The following ZFHX4 variants were observed in gnomAD, a reference collection of about 807,000 sequenced individuals.
ZFHX4 encodes the protein zinc finger homeobox 4, also known as zinc finger homeobox protein 4.
In ZFHX4, 56 loss-of-function variants were observed where a neutral mutation model predicts 267.6. The observed-to-expected ratio is 0.21, with a 90% confidence interval of 0.17 to 0.26. ZFHX4 has a LOEUF of 0.26. ZFHX4 is among the 10% of genes least tolerant of loss of function. ZFHX4 has a pLI of 1.00. For synonymous variants in ZFHX4, 1,778 were observed against 1,665.6 expected (o/e 1.07, Z -1.64); for missense variants, 4,332 against 4,420.0 (o/e 0.98, Z 0.56).
intron 4 of ZFHX4, among the ~76,000 whole-genome samples, chr8:76,784,028 T>G (rs921938784): frequency 3.3e-5 from 5 of 152,074 alleles, no homozygotes; most frequent in African/African-American, 1.2e-4. Context: ...AAATAATTAG[T>G]CTTTTATGCA....
chr8:76,710,504 A>G (rs1220225518), intron 3 of ZFHX4, among the ~76,000 whole-genome samples: 2 of 152,188 alleles, frequency 1.3e-5, no homozygotes, highest in South Asian at 2.1e-4. Context: ...GAAAAAAATG[A>G]TGGTGAAAAT....
At chr8:76,856,587 A>G (rs184273192) in intron 10 of ZFHX4, among the ~76,000 whole-genome samples, 17 of 152,304 alleles carry the variant, frequency 1.1e-4, no homozygotes, top group Non-Finnish European at 2.9e-5. Flanking sequence ...TTATTTTTAT[A>G]CTAATTTCAA....
At chr8:76,761,403 G>T (rs781348533) in intron 3 of ZFHX4, among the ~76,000 whole-genome samples, 1 of 152,132 alleles carries the variant, frequency 6.6e-6, no homozygotes, top group Non-Finnish European at 1.5e-5. Context: ...GCTACATGTG[G>T]GTGCAAGCTT....
intron 3 of ZFHX4, among the ~76,000 whole-genome samples, chr8:76,752,487 C>CAGAAAAAAAA (rs1809642341): frequency 1.4e-5 from 1 of 70,964 alleles, no homozygotes; most frequent in African/African-American, 4.4e-5. Flanking sequence ...ACCAAAAATC[C>CAGAAAAAAAA]AAAAAAAAAA....
chr8:76,705,565 G>A lies in ZFHX4; in HGVS notation c.1477G>A (p.Asp493Asn), dbSNP rs762062219. 3 of 1,613,580 alleles carry A rather than the reference G, an allele frequency of 1.9e-6. No individual in the cohort carries two copies. The highest frequency in any genetic ancestry group is 4.5e-5 in the East Asian group (2 of 44,876). ...CGAGGAAGTATTAGGTGAACTCACC[G>A]ATAGTATTGGTAACAAAGATTTCCC... ...DDEEVLGELTDSIGNKDFPLL... is the reference protein window; with the variant it reads ...DDEEVLGELTNSIGNKDFPLL... Residue 493 changes from aspartate (D) to asparagine (N), a missense_variant, in exon 2 of 11, where the codon GAT becomes AAT. By Grantham distance (23) the Asp-to-Asn change is conservative. Transcript: ENST00000651372.
intron 4 of ZFHX4, 78 bp downstream of exon 4, chr8:76,778,517 A>G: frequency 2.6e-6 from 3 of 1,168,130 alleles, no homozygotes; most frequent in Non-Finnish European, 1.3e-6. Flanking sequence ...ACAAACACAC[A>G]CACACACGCC....
At chr8:76,800,955 A>G (rs1811102812) in intron 4 of ZFHX4, among the ~76,000 whole-genome samples, 2 of 152,214 alleles carry the variant, frequency 1.3e-5, no homozygotes, top group Non-Finnish European at 1.5e-5. Flanking sequence ...TGAGCAGGCT[A>G]TGAGATTAAA....
intron 1 of ZFHX4, 67 bp from the exon 2 acceptor site, chr8:76,703,976 A>T: frequency 9.2e-7 from 1 of 1,089,210 alleles, no homozygotes; most frequent in Non-Finnish European, 1.3e-6. Context: ...TAAATTAGTG[A>T]TGGGCTATTA....
chr8:76,832,532 T>A (rs116406345), intron 4 of ZFHX4, among the ~76,000 whole-genome samples: 212 of 152,198 alleles, frequency 1.4e-3, no homozygotes, highest in African/African-American at 4.8e-3. Context: ...TATAGACTAT[T>A]ACAGAGGCTG....
In ZFHX4 at chr8:76,864,737, A is replaced by G; in HGVS notation, c.*172A>G. On this transcript the variant is annotated 3_prime_UTR_variant, in exon 11 of 11. Transcript: ENST00000651372. ...TGCTGGCAATATAGGATGGTATGTA[A>G]TGGACAGAACTGATGCAGATGGTTG... The G allele has an allele frequency of 2.0e-6, 1 of 511,434 alleles. No individual in the cohort carries two copies. Among genetic ancestry groups the G allele is most frequent in the Non-Finnish European group, 3.4e-6 (1 of 291,690 alleles). 31.7% of individuals were successfully genotyped at this position (511,434 alleles called of 1,614,324 possible).
At position 76,852,083 on chromosome 8, in the gene ZFHX4, A is replaced by G. The variant is rs781769173; in HGVS notation, c.5162A>G (p.His1721Arg). The change falls in exon 10 of 11, where the codon CAT becomes CGT. Residue 1721 changes from histidine to arginine, a missense_variant. Physicochemically the swap from His to Arg is conservative, Grantham distance 29. Around this residue, in one of 7 missense-constraint regions of ZFHX4, gnomAD observed 1,371 missense variants for 1,423.1 expected, o/e 0.96. Transcript: ENST00000651372. The stretch of plus-strand genomic sequence containing the variant: ...TTTCTAAACCCAGCCTTTTTGCCTC[A>G]TTTTCCTATGACCCCAGAAGCACTG... Reference protein sequence around the residue: ...PQFLNPAFLPHFPMTPEALLQ... With the variant: ...PQFLNPAFLPRFPMTPEALLQ... 6 of 1,613,818 alleles carry G rather than the reference A, an allele frequency of 3.7e-6. No individual in the cohort carries two copies. The highest frequency in any genetic ancestry group is 5.1e-6 in the Non-Finnish European group (6 of 1,179,844).
chr8:76,844,391 T>C (rs904594618), intron 6 of ZFHX4, among the ~76,000 whole-genome samples: 1 of 152,136 alleles, frequency 6.6e-6, no homozygotes. Flanking sequence ...AATCCCGAGG[T>C]ATATGACATT....
intron 3 of ZFHX4, among the ~76,000 whole-genome samples, chr8:76,767,171 T>C (rs1585923615): frequency 1.3e-5 from 2 of 152,026 alleles, no homozygotes; most frequent in African/African-American, 4.8e-5. Context: ...TATTACTAAA[T>C]AAGTGGCAGA....
chr8:76,705,654 C>T lies in ZFHX4; in HGVS notation c.1566C>T (p.Thr522=). 1 of 1,613,924 alleles carries T rather than the reference C, an allele frequency of 6.2e-7. No individual in the cohort carries two copies. The highest frequency in any genetic ancestry group is 8.5e-7 in the Non-Finnish European group (1 of 1,179,870). ...TGCTAAAATTTATTGAAAAGGGTAC[C>T]TCGTCCTCCTCGGCGACTGTTTCTG... The part of the protein sequence containing the change: ...SSVLKFIEKG[T]SSSSATVSDD... The change falls in exon 2 of 11, where the codon ACC becomes ACT. Residue 522 remains threonine (T), a synonymous_variant. Coordinates refer to ENST00000651372, the MANE Select transcript of ZFHX4 (RefSeq NM_024721.5).
intron 4 of ZFHX4, among the ~76,000 whole-genome samples, chr8:76,781,907 G>A (rs1247744653): frequency 1.3e-5 from 2 of 151,984 alleles, no homozygotes; most frequent in African/African-American, 2.4e-5. Flanking sequence ...CAATAAGAAT[G>A]TTAGCCTTCA....
intron 10 of ZFHX4, among the ~76,000 whole-genome samples, chr8:76,858,475 G>A (rs1438864048): frequency 6.6e-6 from 1 of 152,136 alleles, no homozygotes; most frequent in African/African-American, 2.4e-5. Flanking sequence ...CATGAACATT[G>A]CTACCTACTG....
rs918437483 is a variant in ZFHX4, at chr8:76,865,496, T to C, written c.*931T>C. 3 of 152,552 alleles carry C rather than the reference T, an allele frequency of 2.0e-5. No homozygotes were observed. The highest frequency in any genetic ancestry group is 4.8e-5 in the African/African-American group (2 of 41,426). 9.4% of individuals were successfully genotyped at this position (152,552 alleles called of 1,614,324 possible). On this transcript the variant is annotated 3_prime_UTR_variant, in exon 11 of 11. Coordinates refer to ENST00000651372, the MANE Select transcript of ZFHX4 (RefSeq NM_024721.5). ...GTAGACCATGTGAAATTTAATAAGA[T>C]ACCTTTTTTTTCCTTTCTTTGTGTG...
chr8:76,838,288 A>G (rs1168915356), intron 5 of ZFHX4, among the ~76,000 whole-genome samples: 1 of 152,206 alleles, frequency 6.6e-6, no homozygotes, highest in South Asian at 2.1e-4. Flanking sequence ...ACCTTTCAAG[A>G]TGGGGTCCAG....
chr8:76,850,921 C>T lies in ZFHX4; in HGVS notation c.4000C>T (p.Leu1334Phe), dbSNP rs1226222107. ...SPMDDKSMAG[L>F]EDSKANVEVK... ...AATGGATGACAAAAGCATGGCAGGT[C>T]TCGAGGATTCAAAGGCTAATGTGGA... Residue 1334 changes from leucine to phenylalanine, a missense_variant, in exon 10 of 11, where the codon CTC (leucine) becomes TTC (phenylalanine). Leu to Phe is a conservative substitution (Grantham distance 22, BLOSUM62 0). Around this residue, in one of 7 missense-constraint regions of ZFHX4, gnomAD observed 1,371 missense variants for 1,423.1 expected, o/e 0.96. Coordinates refer to ENST00000651372, the MANE Select transcript of ZFHX4 (RefSeq NM_024721.5). 1 of 1,611,584 alleles carries T rather than the reference C, an allele frequency of 6.2e-7. No individual in the cohort carries two copies. The highest frequency in any genetic ancestry group is 1.1e-5 in the South Asian group (1 of 90,528).
Sources: allele counts gnomAD v4.1 joint callset (sites outside exome capture counted in the v4.1 genomes callset), GRCh38; gene constraint gnomAD v4.1.1; regional missense constraint gnomAD v4.1.1; transcripts MANE v1.5; gene names NCBI Gene and HGNC (gene_info 2026-07-23, HGNC 2026-07-21).